The following DOCK8 variants were observed in gnomAD, a reference collection of about 807,000 sequenced individuals.
The protein encoded by DOCK8 is dedicator of cytokinesis protein 8.
DOCK8 carries 141 observed loss-of-function variants against 245.6 expected under a neutral mutation model. The observed-to-expected ratio is 0.57, with a 90% CI of 0.50 to 0.66. The LOEUF is 0.66. Ranked by LOEUF, DOCK8 falls within the 30% of genes least tolerant of loss-of-function variation. The pLI is 0.00. For missense variants in DOCK8, 2,965 were observed against 2,603.4 expected, an observed-to-expected ratio of 1.14 and a Z score of -3.02; for synonymous variants, 1,168 against 970.2, an observed-to-expected ratio of 1.20 and a Z score of -3.79.
chr9:357,655 A>G (rs934327665), intron 14 of DOCK8, among the ~76,000 whole-genome samples: 3 of 152,084 alleles, frequency 2.0e-5, no homozygotes, highest in Non-Finnish European at 2.9e-5. Flanking sequence ...TGATGTTCAG[A>G]GTACAGTACC....
chr9:305,427 C>T lies in DOCK8; in HGVS notation c.528+723C>T, dbSNP rs527382843. On this transcript the variant is annotated intron_variant, in intron 5 of 47. Coordinates refer to ENST00000432829, the MANE Select transcript of DOCK8 (RefSeq NM_203447.4). ...CCTCCCAGGTAGCTGGGACTACAGG[C>T]TCCCGCCACCACGCCCAGCTAATTT... 8.2e-4 allele frequency among the ~76,000 whole-genome samples: 125 copies of T among 151,752 alleles called. 4 individuals are homozygous for T. The highest frequency in any genetic ancestry group is 3.4e-3 in the Middle Eastern group (1 of 294).
At chr9:378,422 G>C (rs748014782) in intron 20 of DOCK8, among the ~76,000 whole-genome samples, 15 of 152,194 alleles carry the variant, frequency 9.9e-5, no homozygotes, top group Admixed American at 9.8e-4. Flanking sequence ...GAAGTGAGAC[G>C]GCTTTTAGAG....
At chr9:421,270 C>G (rs1358822935) in intron 32 of DOCK8, among the ~76,000 whole-genome samples, 192 bp downstream of exon 32, 1 of 152,178 alleles carries the variant, frequency 6.6e-6, no homozygotes, top group Non-Finnish European at 1.5e-5. Context: ...AAGCGCTGTT[C>G]TACAATTGTA....
At chr9:392,793 C>A (rs1355953798) in intron 24 of DOCK8, among the ~76,000 whole-genome samples, 1 of 152,074 alleles carries the variant, frequency 6.6e-6, no homozygotes, top group South Asian at 2.1e-4. Context: ...AAGACCCATT[C>A]CCCTCTTGTT....
chr9:274,117 G>A (rs542777480), intron 2 of DOCK8, among the ~76,000 whole-genome samples: 36 of 152,322 alleles, frequency 2.4e-4, no homozygotes, highest in Non-Finnish European at 4.7e-4. Flanking sequence ...CGTTTGGTAA[G>A]TTTGCTGCCT....
At chr9:350,803 G>T (rs1425760523) in intron 14 of DOCK8, among the ~76,000 whole-genome samples, 1 of 152,178 alleles carries the variant, frequency 6.6e-6, no homozygotes, top group African/African-American at 2.4e-5. Context: ...ATGTGGAAGA[G>T]GAATTACTGA....
chr9:236,867 G>C (rs149882996), intron 1 of DOCK8, among the ~76,000 whole-genome samples: 1 of 152,340 alleles, frequency 6.6e-6, no homozygotes, highest in African/African-American at 2.4e-5. Flanking sequence ...CTAGGAAGAA[G>C]AGAGAATGAA....
chr9:274,132 A>G (rs925198871), intron 2 of DOCK8, among the ~76,000 whole-genome samples: 1 of 152,226 alleles, frequency 6.6e-6, no homozygotes, highest in Non-Finnish European at 1.5e-5. Context: ...CTGCCTCCTC[A>G]GTAAGTTTTG....
Position 372,281 on chromosome 9 carries a change from G to A in DOCK8, c.2104G>A (p.Ala702Thr), listed in dbSNP as rs2053325008. The change falls in exon 18 of 48, where the codon GCT becomes ACT. Residue 702 changes from alanine to threonine, a missense_variant. Ala to Thr is a moderately conservative substitution (Grantham distance 58). Around this residue, in one of 3 missense-constraint regions of DOCK8, gnomAD observed 2,825 missense variants for 2,453.5 expected, o/e 1.15. Coordinates refer to ENST00000432829, the MANE Select transcript of DOCK8 (RefSeq NM_203447.4). Reference sequence around the variant, plus strand: ...GCCACCCAACTACTCCATGCATTCTGCTGAGGTAATTGGCAAGCTGGCCAT... The same window carrying A: ...GCCACCCAACTACTCCATGCATTCTACTGAGGTAATTGGCAAGCTGGCCAT... ...KLPPNYSMHS[A>T]EKVPLQNPPI... is the part of the protein sequence containing the mutation. The A allele has an allele frequency of 8.7e-6, 14 of 1,613,414 alleles. No individual in the cohort carries two copies. Among genetic ancestry groups the A allele is most frequent in the South Asian group, 1.1e-5 (1 of 91,070 alleles).
intron 30 of DOCK8, among the ~76,000 whole-genome samples, chr9:419,512 G>A (rs763501920): frequency 7.9e-5 from 12 of 152,198 alleles, no homozygotes; most frequent in Non-Finnish European, 1.3e-4. Context: ...TTGTGAGGTT[G>A]TATCTCAAGA....
At chr9:340,050 C>T in intron 13 of DOCK8, 109 bp from the exon 14 acceptor site, 2 of 1,313,924 alleles carry the variant, frequency 1.5e-6, no homozygotes, top group Admixed American at 1.9e-5. Context: ...TTTTACAGTA[C>T]TATAGTTTGT....
At position 317,047 on chromosome 9, in the gene DOCK8, A is replaced by T. The variant is rs1387191751; in HGVS notation, c.746A>T (p.Asp249Val). ...TTACGATGTGATTAAAAATAGGAGG[A>T]TGCTGTGGAAATACGTCCAGTACCA... is the stretch of plus-strand genomic sequence containing the variant. Reference protein sequence around the residue: ...FALYPSVDEEDAVEIRPVPEC... With the variant: ...FALYPSVDEEVAVEIRPVPEC... Residue 249 changes from aspartate to valine, a missense_variant, in exon 7 of 48, where the codon GAT (aspartate) becomes GTT (valine). By Grantham distance (152) the Asp-to-Val change is radical. Coordinates refer to ENST00000432829, the MANE Select transcript of DOCK8 (RefSeq NM_203447.4). The T allele has an allele frequency of 3.7e-6, 6 of 1,612,612 alleles. No homozygotes were observed. Among genetic ancestry groups the T allele is most frequent in the Non-Finnish European group, 5.1e-6 (6 of 1,178,544 alleles).
At chr9:306,197 A>C (rs1013115204) in intron 5 of DOCK8, among the ~76,000 whole-genome samples, 1 of 151,722 alleles carries the variant, frequency 6.6e-6, no homozygotes, top group Non-Finnish European at 1.5e-5. Context: ...ACCATGCTGG[A>C]AATGATTCGA....
intron 14 of DOCK8, among the ~76,000 whole-genome samples, chr9:340,866 G>C (rs1190961586): frequency 6.6e-6 from 1 of 151,984 alleles, no homozygotes; most frequent in Non-Finnish European, 1.5e-5. Flanking sequence ...GATTATAGTG[G>C]ACATATGTTT....
chr9:400,215 T>TATCACCACCCCCTCCACC (rs2054785511), intron 26 of DOCK8, among the ~76,000 whole-genome samples: 1 of 14,812 alleles, frequency 6.8e-5, no homozygotes, highest in Non-Finnish European at 1.2e-4. Context: ...CCACCTCCAC[T>TATCACCACCCCCTCCACC]ATCACCACCA....
At chr9:361,299 G>A (rs2052717253) in intron 14 of DOCK8, among the ~76,000 whole-genome samples, 1 of 152,176 alleles carries the variant, frequency 6.6e-6, no homozygotes, top group South Asian at 2.1e-4. Context: ...ATGGAAAAAT[G>A]AAGAGAGGAT....
intron 1 of DOCK8, among the ~76,000 whole-genome samples, chr9:263,867 T>C (rs557707247): frequency 6.6e-6 from 1 of 152,262 alleles, no homozygotes; most frequent in East Asian, 1.9e-4. Flanking sequence ...TCCCTGGATG[T>C]TTTAAAGATT....
intron 8 of DOCK8, among the ~76,000 whole-genome samples, chr9:327,321 T>G (rs765995390): frequency 2.0e-5 from 3 of 152,112 alleles, no homozygotes; most frequent in Non-Finnish European, 4.4e-5. Flanking sequence ...CCACAGTGCT[T>G]CTTTGTATGC....
intron 25 of DOCK8, among the ~76,000 whole-genome samples, chr9:398,571 A>G (rs2054574511): frequency 6.6e-6 from 1 of 152,218 alleles, no homozygotes; most frequent in African/African-American, 2.4e-5. Flanking sequence ...AAATAGGCGT[A>G]GCTTATTAAT....
Sources: allele counts gnomAD v4.1 joint callset (sites outside exome capture counted in the v4.1 genomes callset), GRCh38; gene constraint gnomAD v4.1.1; regional missense constraint gnomAD v4.1.1; transcripts MANE v1.5; gene names NCBI Gene and HGNC (gene_info 2026-07-23, HGNC 2026-07-21).